C2CD5: variants seen among roughly 807,000 people sequenced by gnomAD.
C2CD5 encodes C2 domain-containing protein 5.
A neutral mutation model predicts 130.3 loss-of-function variants in C2CD5; 109 were observed. That is an observed-to-expected ratio of 0.84 (90% CI 0.72 to 0.98). The LOEUF is 0.98. Ranked by LOEUF, C2CD5 falls within the 50% of genes least tolerant of loss-of-function variation. The pLI, the probability that C2CD5 is intolerant of heterozygous loss-of-function variation, is 0.00. For synonymous variants in C2CD5, 454 were observed against 429.2 expected (o/e 1.06, Z -0.71); for missense variants, 996 against 1,261.8 (o/e 0.79, Z 3.19).
chr12:22,468,994 AC>A (rs1942561839), intron 22 of C2CD5, among the ~76,000 whole-genome samples: 1 of 152,210 alleles, frequency 6.6e-6, no homozygotes, highest in African/African-American at 2.4e-5. Flanking sequence ...AACACATACT[AC>A]ATTTATCTAA....
intron 12 of C2CD5, among the ~76,000 whole-genome samples, chr12:22,485,815 A>G (rs1945413030): frequency 6.6e-6 from 1 of 152,144 alleles, no homozygotes; most frequent in African/African-American, 2.4e-5. Context: ...ATTAAAATTT[A>G]TGAAAGCATT....
At position 22,459,510 on chromosome 12, in the gene C2CD5, T is replaced by A. The variant is rs770134166; in HGVS notation, c.2566A>T (p.Ile856Leu). 2.0e-4 allele frequency: 312 copies of A among 1,532,532 alleles called. 1 individual carries two copies. Among genetic ancestry groups the A allele is most frequent in the Non-Finnish European group, 2.5e-4 (284 of 1,143,840 alleles). The allele number at this position is 1,532,532 out of a possible 1,614,324, so 94.9% of individuals were successfully genotyped here. ...AACTCACCTCTCTGTGCAGCTGGTA[T>A]ACCTGAGTTAGAACTTGCACTCTCC... ...HLESASSNSG[I>L]PAAQRATSVD... Residue 856 changes from isoleucine to leucine, a missense_variant, in exon 23 of 27, where the codon ATA becomes TTA. Ile to Leu is a conservative substitution (Grantham distance 5). Around this residue, in one of 9 missense-constraint regions of C2CD5, gnomAD observed 590 missense variants for 631.4 expected, o/e 0.93. Transcript: ENST00000446597.
At chr12:22,538,884 C>G (rs563208987) in intron 2 of C2CD5, among the ~76,000 whole-genome samples, 1 of 152,132 alleles carries the variant, frequency 6.6e-6, no homozygotes, top group African/African-American at 2.4e-5. Context: ...TCATTATCTC[C>G]CTCTTCTATG....
chr12:22,478,508 A>C (rs1410990125), intron 14 of C2CD5, 31 bp from the exon 15 acceptor site: 1 of 1,577,988 alleles, frequency 6.3e-7, no homozygotes, highest in Non-Finnish European at 8.7e-7. Context: ...AATAATCAGA[A>C]AAAATATCTA....
At chr12:22,466,971 A>AT (rs1332581988) in intron 22 of C2CD5, among the ~76,000 whole-genome samples, 2 of 152,206 alleles carry the variant, frequency 1.3e-5, no homozygotes, top group African/African-American at 4.8e-5. Flanking sequence ...AGATGGATAT[A>AT]TAAAAACATG....
Position 22,508,563 on chromosome 12 carries a change from A to G in C2CD5, c.1039-1744T>C, listed in dbSNP as rs556102825. Among the ~76,000 whole-genome samples, 3 of 152,312 alleles carry G rather than the reference A, an allele frequency of 2.0e-5. No individual in the cohort carries two copies. The East Asian group carries it at 5.8e-4, about 29-fold the overall frequency. ...GAATGTAAATGAAGTTTTGAGTCAT[A>G]AAAATATTCGAATGGATTTATTGTT... is the stretch of plus-strand genomic sequence containing the variant. On this transcript the variant is annotated intron_variant, in intron 9 of 26. Coordinates refer to ENST00000446597, the MANE Select transcript of C2CD5 (RefSeq NM_001286176.2).
chr12:22,499,124 CCATCT>C (rs1486823205), intron 10 of C2CD5, among the ~76,000 whole-genome samples: 9 of 151,964 alleles, frequency 5.9e-5, no homozygotes, highest in African/African-American at 2.2e-4. Context: ...AAATATTTTC[CCATCT>C]CAACACTCAA....
Position 22,448,929 on chromosome 12 carries a change from G to A in C2CD5, c.*831C>T, listed in dbSNP as rs1449647666. 6.6e-6 allele frequency: 1 copy of A among 152,460 alleles called. No homozygotes were observed. Among genetic ancestry groups the A allele is most frequent in the Non-Finnish European group, 1.5e-5 (1 of 68,006 alleles). 9.4% of individuals were successfully genotyped at this position (152,460 alleles called of 1,614,324 possible). A position where few individuals can be genotyped will look rare whatever the true frequency, so the allele number is the denominator to read the frequency against. ...TACTAAAATCCTGTTTATTTGGTAGGAGTGCAATATTATCTTATTAGGAAA... is the reference window on the plus strand; with the variant it reads ...TACTAAAATCCTGTTTATTTGGTAGAAGTGCAATATTATCTTATTAGGAAA... On this transcript the variant is annotated 3_prime_UTR_variant, in exon 27 of 27. Coordinates refer to ENST00000446597, the MANE Select transcript of C2CD5 (RefSeq NM_001286176.2).
At chr12:22,528,011 A>C in intron 3 of C2CD5, 119 bp from the exon 4 acceptor site, 1 of 498,428 alleles carries the variant, frequency 2.0e-6, no homozygotes, top group Non-Finnish European at 3.4e-6. Flanking sequence ...ACAGATTTCT[A>C]AGCACCAAAG....
At chr12:22,515,169 G>A in intron 8 of C2CD5, 1 of 970,864 alleles carries the variant, frequency 1.0e-6, no homozygotes, top group Middle Eastern at 5.3e-4. Flanking sequence ...GAAAGTAGCA[G>A]AGAAAAGATG....
At chr12:22,465,335 T>G (rs1214745839) in intron 22 of C2CD5, among the ~76,000 whole-genome samples, 1 of 152,148 alleles carries the variant, frequency 6.6e-6, no homozygotes, top group Non-Finnish European at 1.5e-5. Flanking sequence ...AATTAAACCT[T>G]TTTAATTTTT....
chr12:22,522,624 C>G (rs1041832207), intron 7 of C2CD5, among the ~76,000 whole-genome samples: 1 of 152,074 alleles, frequency 6.6e-6, no homozygotes, highest in African/African-American at 2.4e-5. Flanking sequence ...GTTTGCCAAC[C>G]TTGGCTTTAC....
At chr12:22,538,170 T>C (rs1952000772) in intron 2 of C2CD5, among the ~76,000 whole-genome samples, 1 of 152,218 alleles carries the variant, frequency 6.6e-6, no homozygotes, top group South Asian at 2.1e-4. Flanking sequence ...CTAAGACCTC[T>C]TCTTTGTGTA....
In C2CD5 at chr12:22,523,473, T is replaced by C. The variant is rs1591977922; in HGVS notation, c.753A>G (p.Pro251=). ...TACTLDKLSS[P]AAFLPACNSP... The stretch of plus-strand genomic sequence containing the variant: ...AATTACATGCAGGAAGGAATGCTGC[T>C]GGGCTACTTAATTTATCCAGAGTAC... The change falls in exon 7 of 27, where the codon CCA becomes CCG. Residue 251 remains proline, a synonymous_variant. Coordinates refer to ENST00000446597, the MANE Select transcript of C2CD5 (RefSeq NM_001286176.2). 2.5e-6 allele frequency: 4 copies of C among 1,613,988 alleles called. No homozygotes were observed. In the African/African-American group the frequency reaches 4.0e-5, roughly 16 times the overall value.
intron 14 of C2CD5, among the ~76,000 whole-genome samples, chr12:22,479,312 G>C (rs1944359593): frequency 6.6e-6 from 1 of 151,924 alleles, no homozygotes; most frequent in South Asian, 2.1e-4. Flanking sequence ...GACCTCAATT[G>C]ATCCGCCTGC....
intron 4 of C2CD5, 50 bp from the exon 5 acceptor site, chr12:22,525,755 C>T (rs753014642): frequency 8.2e-6 from 7 of 853,146 alleles, no homozygotes; most frequent in Non-Finnish European, 1.4e-5. Context: ...AAGTAATGTA[C>T]AATTAAATAA....
At chr12:22,504,597 C>T (rs1010624527) in intron 10 of C2CD5, among the ~76,000 whole-genome samples, 10 of 152,186 alleles carry the variant, frequency 6.6e-5, no homozygotes, top group African/African-American at 1.9e-4. Context: ...CGTGAGCCTC[C>T]GTGCCCAGCC....
chr12:22,453,316 C>G (rs925359928), intron 26 of C2CD5, among the ~76,000 whole-genome samples: 2 of 152,092 alleles, frequency 1.3e-5, no homozygotes, highest in Admixed American at 6.6e-5. Flanking sequence ...CCAAGAGAAG[C>G]AGGTTGGGAA....
chr12:22,543,960 A>C, intron 2 of C2CD5, 101 bp downstream of exon 2: 2 of 838,470 alleles, frequency 2.4e-6, no homozygotes, highest in Non-Finnish European at 4.0e-6. Flanking sequence ...AAGGGAGGGC[A>C]GTCGAGGGGG....
Sources: allele counts gnomAD v4.1 joint callset (sites outside exome capture counted in the v4.1 genomes callset), GRCh38; gene constraint gnomAD v4.1.1; regional missense constraint gnomAD v4.1.1; transcripts MANE v1.5; gene names NCBI Gene and HGNC (gene_info 2026-07-23, HGNC 2026-07-21).